MYH15: variants seen among roughly 807,000 people sequenced by gnomAD.
MYH15 encodes the protein myosin-15.
Under a neutral mutation model 240.5 loss-of-function variants are expected in MYH15, and 227 were observed. That is an observed-to-expected ratio of 0.94 (90% CI 0.85 to 1.05). The LOEUF (loss-of-function observed/expected upper bound fraction) is 1.05, where lower values mean the gene tolerates loss of function less well. Among genes scored for constraint, MYH15 ranks in the 50% least tolerant of loss-of-function variants. MYH15 has a pLI of 0.00. For synonymous variants in MYH15, 785 were observed against 796.7 expected, an observed-to-expected ratio of 0.99 and a Z score of 0.25; for missense variants, 2,217 against 2,247.5, an observed-to-expected ratio of 0.99 and a Z score of 0.27.
At position 108,417,336 on chromosome 3, in the gene MYH15, G is replaced by A. The variant is rs1042094380; in HGVS notation, c.3830-406C>T. ...ACTGAAACAGAAACATACACAGTTC[G>A]TAATTGGTGAAGGTAGATTCAAATG... is the stretch of plus-strand genomic sequence containing the variant. On this transcript the variant is annotated intron_variant, in intron 28 of 40. Coordinates refer to ENST00000693548, the MANE Select transcript of MYH15 (RefSeq NM_014981.3). Among the ~76,000 whole-genome samples, 6 of 152,148 alleles carry A rather than the reference G, an allele frequency of 3.9e-5. No homozygotes were observed. The South Asian group carries it at 1.0e-3, about 26-fold the overall frequency.
intron 11 of MYH15, among the ~76,000 whole-genome samples, chr3:108,478,213 A>G (rs532370886): frequency 7.2e-5 from 11 of 152,330 alleles, no homozygotes; most frequent in Admixed American, 6.5e-4. Context: ...TCCTTTTCAC[A>G]GCCTTTAAAA....
intron 35 of MYH15, among the ~76,000 whole-genome samples, chr3:108,394,446 T>A (rs2082444253): frequency 6.6e-6 from 1 of 152,136 alleles, no homozygotes; most frequent in Non-Finnish European, 1.5e-5. Context: ...TGGTTTTCAA[T>A]GGGTTGAGGA....
intron 25 of MYH15, among the ~76,000 whole-genome samples, chr3:108,433,462 T>C (rs1472948743): frequency 2.0e-5 from 3 of 152,012 alleles, no homozygotes; most frequent in East Asian, 1.9e-4. Flanking sequence ...GAAGGCATGA[T>C]TGGTTTTGAA....
At chr3:108,486,719 T>C (rs2083308836) in intron 9 of MYH15, among the ~76,000 whole-genome samples, 193 bp from the exon 10 acceptor site, 1 of 152,192 alleles carries the variant, frequency 6.6e-6, no homozygotes, top group South Asian at 2.1e-4. Context: ...CATGTGTTAA[T>C]GCCTCCCAAG....
chr3:108,469,950 C>T, intron 14 of MYH15, 92 bp downstream of exon 14: 1 of 1,282,646 alleles, frequency 7.8e-7, no homozygotes, highest in Middle Eastern at 1.9e-4. Flanking sequence ...TTCCCATCCT[C>T]TGATAGGGCC....
chr3:108,383,744 A>AT lies in MYH15; in HGVS notation c.5632-16_5632-15insA, dbSNP rs755594117. The AT allele has an allele frequency of 5.8e-5, 89 of 1,533,476 alleles. No homozygotes were observed. Among genetic ancestry groups the AT allele is most frequent in the South Asian group, 2.5e-4 (20 of 79,686 alleles). The allele number at this position is 1,533,476 out of a possible 1,614,324, so 95.0% of individuals were successfully genotyped here. Reference sequence around the variant, plus strand: ...GCTTGTGTTTCCTATAAAAATAAAAAAAAAAAAAAAGAAATCTCCATGCCT... The same window carrying AT: ...GCTTGTGTTTCCTATAAAAATAAAAATAAAAAAAAAAGAAATCTCCATGCCT... On this transcript the variant is annotated splice_polypyrimidine_tract_variant and intron_variant, in intron 39 of 40. Coordinates refer to ENST00000693548, the MANE Select transcript of MYH15 (RefSeq NM_014981.3).
At chr3:108,403,643 T>C (rs1356227321) in intron 33 of MYH15, among the ~76,000 whole-genome samples, 4 of 152,150 alleles carry the variant, frequency 2.6e-5, no homozygotes, top group Admixed American at 1.3e-4. Flanking sequence ...GTATTTGTGA[T>C]ATTTTGTAAG....
intron 21 of MYH15, among the ~76,000 whole-genome samples, chr3:108,448,379 T>C (rs906149161): frequency 6.6e-6 from 1 of 151,972 alleles, no homozygotes; most frequent in Non-Finnish European, 1.5e-5. Flanking sequence ...TTTGAGAACA[T>C]ACACAGGTTG....
chr3:108,406,200 C>A (rs1190009302), intron 32 of MYH15, among the ~76,000 whole-genome samples: 6 of 151,818 alleles, frequency 4.0e-5, no homozygotes, highest in African/African-American at 9.7e-5. Context: ...AGAAGAAATC[C>A]AAAAAACACT....
At chr3:108,463,558 T>A (rs1370742634) in intron 15 of MYH15, among the ~76,000 whole-genome samples, 3 of 152,088 alleles carry the variant, frequency 2.0e-5, no homozygotes, top group Non-Finnish European at 4.4e-5. Flanking sequence ...GGTCTCAAAC[T>A]CCTAGGGCTC....
chr3:108,460,322 T>A lies in MYH15; in HGVS notation c.1910A>T (p.Gln637Leu). The A allele has an allele frequency of 6.2e-7, 1 of 1,603,600 alleles. No homozygotes were observed. Residue 637 changes from glutamine to leucine, a missense_variant, in exon 17 of 41, where the codon CAA becomes CTA. By Grantham distance (113) the Gln-to-Leu change is moderately radical. Coordinates refer to ENST00000693548, the MANE Select transcript of MYH15 (RefSeq NM_014981.3). ...EKKRKKGASFQTVASLHKENL... is the reference protein window; with the variant it reads ...EKKRKKGASFLTVASLHKENL... ...TACTTTATGCAGAGATGCAACCGTTTGGAATGAAGCTCCTTTCTTTCGTTT... is the reference window on the plus strand; with the variant it reads ...TACTTTATGCAGAGATGCAACCGTTAGGAATGAAGCTCCTTTCTTTCGTTT...
chr3:108,409,523 G>T (rs1334121793), intron 31 of MYH15, among the ~76,000 whole-genome samples: 6 of 152,286 alleles, frequency 3.9e-5, no homozygotes, highest in African/African-American at 1.4e-4. Flanking sequence ...CGTAGCTAAA[G>T]TTTTCTAACC....
chr3:108,398,622 G>C lies in MYH15; in HGVS notation c.5133+15C>G, dbSNP rs767233255. ...CCAACTGGCCCAGCTAATAGGGAGA[G>C]TATATGGGCCCCACCTGGGTATAGA... On this transcript the variant is annotated intron_variant, in intron 35 of 40. Transcript: ENST00000693548. 1 of 1,611,672 alleles carries C rather than the reference G, an allele frequency of 6.2e-7. No individual in the cohort carries two copies. The highest frequency in any genetic ancestry group is 8.5e-7 in the Non-Finnish European group (1 of 1,179,340).
the MYH15 span, among the ~76,000 whole-genome samples, chr3:108,542,541 T>C: frequency 1.3e-5 from 2 of 152,226 alleles, no homozygotes; most frequent in Non-Finnish European, 2.9e-5. Flanking sequence ...TCATAGCTCA[T>C]TTATTTTTAG....
chr3:108,410,798 ACCTTCC>A lies in MYH15; in HGVS notation c.4274_4279del (p.Gly1425_Lys1426del). The A allele has an allele frequency of 6.2e-7, 1 of 1,614,074 alleles. No homozygotes were observed. Among genetic ancestry groups the A allele is most frequent in the Non-Finnish European group, 8.5e-7 (1 of 1,179,964 alleles). ...GTCCAGCCTGGCTGCTGCAGAGCGG[ACCTTCC>A]CGAGGTCAGACAGGGCGTCCCCGAG... On this transcript the variant is annotated inframe_deletion, in exon 31 of 41. Coordinates refer to ENST00000693548, the MANE Select transcript of MYH15 (RefSeq NM_014981.3).
intron 26 of MYH15, among the ~76,000 whole-genome samples, chr3:108,429,936 G>A (rs1268950220): frequency 6.6e-6 from 1 of 152,114 alleles, no homozygotes; most frequent in South Asian, 2.1e-4. Context: ...TTTCTGAAAT[G>A]TTTTGTCAGA....
At chr3:108,493,054 A>G in intron 8 of MYH15, 60 bp downstream of exon 8, 1 of 875,050 alleles carries the variant, frequency 1.1e-6, no homozygotes, top group Non-Finnish European at 1.7e-6. Flanking sequence ...AGGAAAGAGA[A>G]GGGAAGGGAA....
chr3:108,531,795 A>AATAAATAAATAAATAC (rs2083712142), upstream of MYH15, among the ~76,000 whole-genome samples: 2 of 151,260 alleles, frequency 1.3e-5, no homozygotes, highest in Non-Finnish European at 2.9e-5. Context: ...TAAATAAATA[A>AATAAATAAATAAATAC]ATAAATAAAT....
rs2082423803 is a variant in MYH15 at position 108,391,740 on chromosome 3, A to G, written c.5430+20T>C. On this transcript the variant is annotated intron_variant, in intron 37 of 40. Coordinates refer to ENST00000693548, the MANE Select transcript of MYH15 (RefSeq NM_014981.3). Reference sequence around the variant, plus strand: ...TTGAATTGGGGACTGTCAAGCCCTCATGATTACCCAGACTCCTACCCTGGA... The same window carrying G: ...TTGAATTGGGGACTGTCAAGCCCTCGTGATTACCCAGACTCCTACCCTGGA... 6.2e-7 allele frequency: 1 copy of G among 1,608,256 alleles called. No individual in the cohort carries two copies. Among genetic ancestry groups the G allele is most frequent in the African/African-American group, 1.3e-5 (1 of 74,668 alleles).
Sources: allele counts gnomAD v4.1 joint callset (sites outside exome capture counted in the v4.1 genomes callset), GRCh38; gene constraint gnomAD v4.1.1; transcripts MANE v1.5; gene names NCBI Gene and HGNC (gene_info 2026-07-23, HGNC 2026-07-21).